ZNF33B: variants seen among roughly 807,000 people sequenced by gnomAD.
ZNF33B encodes the protein zinc finger protein 11b (KOX 2).
ZNF33B carries 29 observed loss-of-function variants against 45.8 expected under a neutral mutation model. That is an observed-to-expected ratio of 0.63 (90% CI 0.47 to 0.86). The LOEUF (loss-of-function observed/expected upper bound fraction) is 0.86, where lower values mean the gene tolerates loss of function less well. Among genes scored for constraint, ZNF33B ranks in the 40% least tolerant of loss-of-function variants. The pLI, the probability that ZNF33B is intolerant of heterozygous loss-of-function variation, is 0.00. For missense variants in ZNF33B, 831 were observed against 909.9 expected, an observed-to-expected ratio of 0.91 and a Z score of 1.12; for synonymous variants, 305 against 307.8, an observed-to-expected ratio of 0.99 and a Z score of 0.10.
Position 42,583,258 on chromosome 10 carries a change from T to G in ZNF33B, c.74-8580A>C, listed in dbSNP as rs909549299. The G allele has an allele frequency of 5.1e-6, 3 of 588,132 alleles. No homozygotes were observed. In the Admixed American group the frequency reaches 6.6e-5, roughly 13 times the overall value. The allele number at this position is 588,132 out of a possible 1,614,324, so 36.4% of individuals were successfully genotyped here. A position where few individuals can be genotyped will look rare whatever the true frequency, so the allele number is the denominator to read the frequency against. On this transcript the variant is annotated intron_variant, in intron 1 of 1. Coordinates refer to the ZNF33B transcript ENST00000462075. ...AACCAAAGGAGGGAGACAAAAGTGA[T>G]GCCATCACTAAACCACAGACAGGTG...
chr10:42,634,174 GC>G (rs1275596260), intron 2 of ZNF33B, among the ~76,000 whole-genome samples: 3 of 151,964 alleles, frequency 2.0e-5, no homozygotes, highest in African/African-American at 7.3e-5. Flanking sequence ...GGAGGTAAAG[GC>G]AGGCAGCTCA....
chr10:42,578,180 G>A (rs1047235775), intron 1 of ZNF33B, among the ~76,000 whole-genome samples: 1 of 152,182 alleles, frequency 6.6e-6, no homozygotes, highest in Non-Finnish European at 1.5e-5. Context: ...GCTGAGCACA[G>A]GCCCACGCCT....
chr10:42,606,835 AATTACAG>A (rs1837881649), intron 4 of ZNF33B, among the ~76,000 whole-genome samples: 1 of 152,116 alleles, frequency 6.6e-6, no homozygotes, highest in South Asian at 2.1e-4. Flanking sequence ...ATAAAGTTAC[AATTACAG>A]GTTGAGTATC....
Position 42,577,936 on chromosome 10 carries a change from T to C in ZNF33B, c.74-3258A>G, listed in dbSNP as rs117607329. On this transcript the variant is annotated intron_variant, in intron 1 of 1. Coordinates refer to the ZNF33B transcript ENST00000462075. ...CGGCTGCCCTGAGGGAGAACCTCAC[T>C]GTGTCATTAGGCAGTGAGTGGGCAG... is the stretch of plus-strand genomic sequence containing the variant. Among the ~76,000 whole-genome samples, 710 of 152,274 alleles carry C rather than the reference T, an allele frequency of 4.7e-3. 23 individuals carry two copies. The South Asian group carries it at 0.069, about 15-fold the overall frequency.
In ZNF33B at chr10:42,592,730, C is replaced by A; in HGVS notation, c.2220G>T (p.Gln740His). The A allele has an allele frequency of 6.2e-7, 1 of 1,614,012 alleles. No homozygotes were observed. Among genetic ancestry groups the A allele is most frequent in the Non-Finnish European group, 8.5e-7 (1 of 1,179,978 alleles). ...FYRKSDLAKH[Q>H]RSHTGEKPYE... ...AGGGCTTTTCCCCTGTATGTGATCT[C>A]TGATGTTTAGCAAGGTCTGATTTAC... The change falls in exon 5 of 5, where the codon CAG becomes CAT. Residue 740 changes from glutamine to histidine, a missense_variant. Transcript: ENST00000359467.
chr10:42,609,784 C>T (rs1838027213), intron 4 of ZNF33B, among the ~76,000 whole-genome samples: 1 of 152,120 alleles, frequency 6.6e-6, no homozygotes, highest in African/African-American at 2.4e-5. Flanking sequence ...TAATACATCA[C>T]ATAAGCAGAA....
At chr10:42,611,663 A>G (rs951465598) in intron 4 of ZNF33B, among the ~76,000 whole-genome samples, 1 of 152,242 alleles carries the variant, frequency 6.6e-6, no homozygotes, top group Non-Finnish European at 1.5e-5. Flanking sequence ...ATGCCAACCC[A>G]CAAATGGGAG....
At chr10:42,576,531 G>T (rs1418000132) in intron 1 of ZNF33B, among the ~76,000 whole-genome samples, 1 of 152,022 alleles carries the variant, frequency 6.6e-6, no homozygotes, top group African/African-American at 2.4e-5. Context: ...ACTAGACTGA[G>T]GCATGAGAAA....
At chr10:42,605,030 G>C (rs1837780028) in intron 4 of ZNF33B, 1 of 151,682 alleles carries the variant, frequency 6.6e-6, no homozygotes, top group Admixed American at 6.6e-5. Context: ...AGAAATAAGA[G>C]TGAGGAAAAA....
At chr10:42,605,922 C>A (rs1196389949) in intron 4 of ZNF33B, among the ~76,000 whole-genome samples, 2 of 151,376 alleles carry the variant, frequency 1.3e-5, no homozygotes, top group Admixed American at 1.3e-4. Flanking sequence ...ATACTGAGAC[C>A]CTATCTCTAA....
At chr10:42,575,983 C>T (rs370798172) in intron 1 of ZNF33B, among the ~76,000 whole-genome samples, 5 of 151,982 alleles carry the variant, frequency 3.3e-5, no homozygotes, top group East Asian at 3.9e-4. Flanking sequence ...CTTCCGCCTC[C>T]GGGTTCAAGC....
intron 4 of ZNF33B, among the ~76,000 whole-genome samples, chr10:42,627,002 A>ATTTTTTT: frequency 6.8e-6 from 1 of 146,400 alleles, no homozygotes; most frequent in African/African-American, 2.7e-5. Context: ...CTATGTTGTC[A>ATTTTTTT]TTTTTCTTTT....
chr10:42,632,393 A>G lies in ZNF33B; in HGVS notation c.56T>C (p.Val19Ala). ...CTGCCACTCCTCCTGGGTGAAGCCC[A>G]CAGTCACATCTTTAAATGATACTGA... ...QGSVSFKDVT[V>A]GFTQEEWQHL... The change falls in exon 3 of 5, where the codon GTG becomes GCG. Residue 19 changes from valine to alanine, a missense_variant. By Grantham distance (64) the Val-to-Ala change is moderately conservative. Transcript: ENST00000359467. The G allele has an allele frequency of 6.2e-7, 1 of 1,614,006 alleles. No individual in the cohort carries two copies. Among genetic ancestry groups the G allele is most frequent in the Non-Finnish European group, 8.5e-7 (1 of 1,179,974 alleles).
intron 4 of ZNF33B, among the ~76,000 whole-genome samples, chr10:42,612,231 T>TG (rs1838129974): frequency 8.1e-6 from 1 of 123,128 alleles, no homozygotes; most frequent in Non-Finnish European, 1.7e-5. Context: ...TTACAGAAGT[T>TG]GATTTTTTTT....
At chr10:42,610,684 G>C (rs1838062935) in intron 4 of ZNF33B, among the ~76,000 whole-genome samples, 1 of 152,120 alleles carries the variant, frequency 6.6e-6, no homozygotes, top group Non-Finnish European at 1.5e-5. Context: ...TAAATAAATG[G>C]AAAGGCACTG....
At chr10:42,616,382 T>G (rs1838316223) in intron 4 of ZNF33B, among the ~76,000 whole-genome samples, 2 of 152,198 alleles carry the variant, frequency 1.3e-5, no homozygotes, top group Non-Finnish European at 2.9e-5. Flanking sequence ...TATATACCTG[T>G]TTTGTGGTGT....
intron 4 of ZNF33B, among the ~76,000 whole-genome samples, chr10:42,602,380 T>C (rs1837667132): frequency 6.6e-6 from 1 of 152,154 alleles, no homozygotes. Context: ...TATAGCACTG[T>C]TTTCAATGAA....
In ZNF33B at chr10:42,629,850, T is replaced by C. The variant is rs114106577; in HGVS notation, c.250+2079A>G. ...ATTTTATAGTTTTCTCAGTAGTTGT[T>C]CTAGGTATTAAAATGTACATATGTA... On this transcript the variant is annotated intron_variant, in intron 4 of 4. Coordinates refer to ENST00000359467, the MANE Select transcript of ZNF33B (RefSeq NM_006955.3). Among the ~76,000 whole-genome samples the C allele has an allele frequency of 9.0e-3, 1,378 of 152,332 alleles. 15 individuals are homozygous for C. Among genetic ancestry groups the C allele is most frequent in the African/African-American group, 0.03 (1,264 of 41,576 alleles).
At chr10:42,637,421 A>G (rs1359682835) in intron 1 of ZNF33B, among the ~76,000 whole-genome samples, 3 of 152,246 alleles carry the variant, frequency 2.0e-5, no homozygotes, top group Non-Finnish European at 4.4e-5. Context: ...AGTGCTTCAA[A>G]GAAAAAATCC....
Sources: allele counts gnomAD v4.1 joint callset (sites outside exome capture counted in the v4.1 genomes callset), GRCh38; gene constraint gnomAD v4.1.1; transcripts MANE v1.5; gene names NCBI Gene and HGNC (gene_info 2026-07-23, HGNC 2026-07-21).